The following CABLES2 variants were observed in gnomAD, a reference collection of about 807,000 sequenced individuals.
CABLES2 encodes CDK5 and ABL1 enzyme substrate 2.
CABLES2 carries 35 observed loss-of-function variants against 44.8 expected under a neutral mutation model. The ratio of observed to expected loss-of-function variants is 0.78; its 90% CI spans 0.60 to 1.04. CABLES2 has a LOEUF of 1.04. CABLES2 is among the 50% of genes least tolerant of loss of function. The pLI is 0.00. For missense variants in CABLES2, 566 were observed against 615.7 expected (o/e 0.92, Z 0.85); for synonymous variants, 282 against 281.1 (o/e 1.00, Z -0.03).
At chr20:62,401,084 C>T (rs1044414337) in intron 1 of CABLES2, among the ~76,000 whole-genome samples, 7 of 152,180 alleles carry the variant, frequency 4.6e-5, no homozygotes, top group South Asian at 2.1e-4. Context: ...CGTGGACGGC[C>T]GGGCTCTGGC....
intron 8 of CABLES2, among the ~76,000 whole-genome samples, 168 bp downstream of exon 8, chr20:62,392,221 C>T (rs1283402623): frequency 4.4e-5 from 2 of 45,236 alleles, no homozygotes; most frequent in Non-Finnish European, 8.9e-5. Context: ...GCTTGGCGGG[C>T]GGTGGAGGTG....
Position 62,393,987 on chromosome 20 carries a change from C to T in CABLES2, c.714+170G>A, listed in dbSNP as rs367635469. ...GCCAGGCGGGGGAGTCCGACGGGCT[C>T]CAGGGCCACGTTCTCAGGGCTGCAC... On this transcript the variant is annotated intron_variant, in intron 5 of 9. Coordinates refer to ENST00000279101, the MANE Select transcript of CABLES2 (RefSeq NM_031215.3). 2.9e-4 allele frequency among the ~76,000 whole-genome samples: 44 copies of T among 152,296 alleles called. 1 individual carries two copies. The highest frequency in any genetic ancestry group is 9.4e-4 in the African/African-American group (39 of 41,566).
chr20:62,398,304 TGACGGTG>T (rs1988121428), intron 1 of CABLES2, among the ~76,000 whole-genome samples: 1 of 143,796 alleles, frequency 7.0e-6, no homozygotes, highest in African/African-American at 2.7e-5. Flanking sequence ...GCGATGGTGA[TGACGGTG>T]GTGATGGCAG....
rs764087406 is a variant in CABLES2 at position 62,396,378 on chromosome 20, T to A, written c.464A>T (p.His155Leu). 1 of 1,614,094 alleles carries A rather than the reference T, an allele frequency of 6.2e-7. No homozygotes were observed. The highest frequency in any genetic ancestry group is 8.5e-7 in the Non-Finnish European group (1 of 1,180,004). Residue 155 changes from histidine (H) to leucine (L), a missense_variant, in exon 3 of 10, where the codon CAT becomes CTT. Transcript: ENST00000279101. This position sits in a 1 kb window ranked among gnomAD's most constrained non-coding sequence, Gnocchi z 5.7. ...GAAGTGGGTCTTCTTCAGGCCTTTA[T>A]GTCTCGGTGATCCAGATGTGTGTTT... is the stretch of plus-strand genomic sequence containing the variant. ...RTKHTSGSPR[H>L]KGLKKTHFIK... is the part of the protein sequence containing the mutation.
In CABLES2 at chr20:62,388,771, A is replaced by T. The variant is rs1987847682; in HGVS notation, c.*2200T>A. On this transcript the variant is annotated 3_prime_UTR_variant, in exon 10 of 10. Coordinates refer to ENST00000279101, the MANE Select transcript of CABLES2 (RefSeq NM_031215.3). ...CACAACTGCTACCGGTGCGGAAGCA[A>T]CGCCAGGCCTGGTTCTGTATAGTCA... is the stretch of plus-strand genomic sequence containing the variant. 2 of 463,108 alleles carry T rather than the reference A, an allele frequency of 4.3e-6. No individual in the cohort carries two copies. The highest frequency in any genetic ancestry group is 2.0e-5 in the African/African-American group (1 of 50,988). The allele number at this position is 463,108 out of a possible 1,614,324, so 28.7% of individuals were successfully genotyped here.
rs1987886106 is a variant in CABLES2, at chr20:62,390,158, T to C, written c.*813A>G. On this transcript the variant is annotated 3_prime_UTR_variant, in exon 10 of 10. Coordinates refer to ENST00000279101, the MANE Select transcript of CABLES2 (RefSeq NM_031215.3). ...AAGAGCCGGCAAGCAGCAATTGTCC[T>C]GGAGGCCCAGAGTGTCTCCTGGTGA... is the stretch of plus-strand genomic sequence containing the variant. 1 of 152,542 alleles carries C rather than the reference T, an allele frequency of 6.6e-6. No individual in the cohort carries two copies. Among genetic ancestry groups the C allele is most frequent in the East Asian group, 1.9e-4 (1 of 5,190 alleles). 9.4% of individuals were successfully genotyped at this position (152,542 alleles called of 1,614,324 possible). A position where few individuals can be genotyped will look rare whatever the true frequency, so the allele number is the denominator to read the frequency against.
rs1187873962 is a variant in CABLES2, at chr20:62,396,133, G to A, written c.527+182C>T. Among the ~76,000 whole-genome samples, 1 of 152,166 alleles carries A rather than the reference G, an allele frequency of 6.6e-6. No individual in the cohort carries two copies. The highest frequency in any genetic ancestry group is 1.5e-5 in the Non-Finnish European group (1 of 68,030). On this transcript the variant is annotated intron_variant, in intron 3 of 9. Coordinates refer to ENST00000279101, the MANE Select transcript of CABLES2 (RefSeq NM_031215.3). The surrounding 1 kb of genome is among the most constrained non-coding windows in gnomAD (Gnocchi z 5.7). ...CGCTGTGGTGACACCAGGGACCTGC[G>A]GGTGCTCGGCTGATGTGGAGCAAGC... is the stretch of plus-strand genomic sequence containing the variant.
intron 4 of CABLES2, 76 bp downstream of exon 4, chr20:62,394,861 C>G: frequency 7.1e-7 from 1 of 1,406,688 alleles, no homozygotes; most frequent in Non-Finnish European, 9.8e-7. Context: ...GCTGATGCCT[C>G]CTGGGCCTGG....
chr20:62,394,152 C>T lies in CABLES2; in HGVS notation c.714+5G>A, dbSNP rs1437553433. On this transcript the variant is annotated splice_donor_5th_base_variant and intron_variant, in intron 5 of 9. Transcript: ENST00000279101. ...CTGGGTGTCCACCAGCGAAGAGGCT[C>T]TTACCTTCCCGTCTGCTCCTAGCTC... is the stretch of plus-strand genomic sequence containing the variant. The T allele has an allele frequency of 6.2e-7, 1 of 1,612,500 alleles. No homozygotes were observed. Among genetic ancestry groups the T allele is most frequent in the Non-Finnish European group, 8.5e-7 (1 of 1,179,278 alleles).
At chr20:62,392,084 G>A (rs1462897698) in intron 8 of CABLES2, among the ~76,000 whole-genome samples, 2 of 152,060 alleles carry the variant, frequency 1.3e-5, no homozygotes, top group Admixed American at 1.3e-4. Context: ...ACTGGGAGGG[G>A]CCGGGCACAA....
intron 1 of CABLES2, 103 bp downstream of exon 1, chr20:62,406,812 T>G (rs8119671): frequency 2.4e-5 from 15 of 619,872 alleles, no homozygotes; most frequent in East Asian, 5.7e-5. Flanking sequence ...CCTGGGCTGA[T>G]GAGGCCCCAA....
intron 1 of CABLES2, among the ~76,000 whole-genome samples, chr20:62,399,604 T>G (rs577911192): frequency 6.7e-6 from 1 of 148,306 alleles, no homozygotes; most frequent in East Asian, 2.0e-4. Flanking sequence ...TTTTTTTTTT[T>G]TTTTTTTGAG....
In CABLES2 at chr20:62,407,248, G is replaced by C. The variant is rs1365270055; in HGVS notation, c.29C>G (p.Pro10Arg). 2.6e-4 allele frequency: 194 copies of C among 743,408 alleles called. No homozygotes were observed. The highest frequency in any genetic ancestry group is 2.9e-4 in the Non-Finnish European group (180 of 612,544). The allele number at this position is 743,408 out of a possible 1,614,324, so 46.1% of individuals were successfully genotyped here. A position where few individuals can be genotyped will look rare whatever the true frequency, so the allele number is the denominator to read the frequency against. The change falls in exon 1 of 10, where the codon CCG (proline) becomes CGG (arginine). Residue 10 changes from proline to arginine, a missense_variant. Pro to Arg is a moderately radical substitution (Grantham distance 103). Coordinates refer to ENST00000279101, the MANE Select transcript of CABLES2 (RefSeq NM_031215.3). Reference sequence around the variant, plus strand: ...CCCGGCGGGGCCGGGGGCCGGGCCCGGGGCTCCACCGGCCGCGGCCGCGGC... The same window carrying C: ...CCCGGCGGGGCCGGGGGCCGGGCCCCGGGCTCCACCGGCCGCGGCCGCGGC... MAAAAAGGAPGPAPGPAGPP... is the reference protein window; with the variant it reads MAAAAAGGARGPAPGPAGPP...
In CABLES2 at chr20:62,396,497, C is replaced by T. The variant is rs745439854; in HGVS notation, c.434+24G>A. ...TGGCAGCCCGAGCGGAGTCGTAGAG[C>T]TCGGGGCGGACGGGGGCGTGTACCT... is the stretch of plus-strand genomic sequence containing the variant. On this transcript the variant is annotated intron_variant, in intron 2 of 9. Transcript: ENST00000279101. This position sits in a 1 kb window ranked among gnomAD's most constrained non-coding sequence, Gnocchi z 5.7. 6.2e-7 allele frequency: 1 copy of T among 1,613,692 alleles called. No homozygotes were observed. Among genetic ancestry groups the T allele is most frequent in the South Asian group, 1.1e-5 (1 of 91,070 alleles).
Position 62,395,027 on chromosome 20 carries a change from G to C in CABLES2, c.528-13C>G. The C allele has an allele frequency of 6.2e-7, 1 of 1,609,952 alleles. No homozygotes were observed. Among genetic ancestry groups the C allele is most frequent in the Middle Eastern group, 1.7e-4 (1 of 6,050 alleles). On this transcript the variant is annotated splice_polypyrimidine_tract_variant and intron_variant, in intron 3 of 9. Transcript: ENST00000279101. ...GATGAGCACGATCCTGCAGGGGGAC[G>C]GAGTCAGGGGAGACGGGGCCGGGGA... is the stretch of plus-strand genomic sequence containing the variant.
At position 62,390,990 on chromosome 20, in the gene CABLES2, C is replaced by T. The variant is rs576077601; in HGVS notation, c.1418G>A (p.Arg473His). 31 of 1,614,110 alleles carry T rather than the reference C, an allele frequency of 1.9e-5. No individual in the cohort carries two copies. The highest frequency in any genetic ancestry group is 2.5e-5 in the Non-Finnish European group (30 of 1,180,020). The change falls in exon 10 of 10, where the codon CGC becomes CAC. Residue 473 changes from arginine to histidine, a missense_variant. Physicochemically the swap from Arg to His is conservative, Grantham distance 29. This residue lies in a region of CABLES2 where 436 missense variants were observed against 536.3 expected (regional missense o/e 0.81). Transcript: ENST00000279101. ...PENQVLPHYR[R>H]LTQQF ...CCTCTGCTAGAACTGCTGGGTGAGG[C>T]GCCTGTAATGAGGTAACACTTGGTT...
At chr20:62,393,946 G>A (rs993374203) in intron 5 of CABLES2, among the ~76,000 whole-genome samples, 3 of 152,210 alleles carry the variant, frequency 2.0e-5, no homozygotes, top group Non-Finnish European at 2.9e-5. Flanking sequence ...GGGCAGTGGC[G>A]CAGACCTCAG....
intron 1 of CABLES2, among the ~76,000 whole-genome samples, chr20:62,397,878 T>G (rs115857708): frequency 3.9e-4 from 50 of 129,672 alleles, no homozygotes; most frequent in African/African-American, 1.3e-3. Context: ...AAGGGAGCAG[T>G]TGGTGGTGGT....
chr20:62,401,913 C>T (rs1395309390), intron 1 of CABLES2, among the ~76,000 whole-genome samples: 7 of 152,354 alleles, frequency 4.6e-5, no homozygotes, highest in Non-Finnish European at 7.3e-5. Flanking sequence ...AAGGAACAAG[C>T]GAGCAAAGCA....
Sources: gnomAD v4.1 joint callset for allele counts (sites outside exome capture counted in the v4.1 genomes callset) on GRCh38, gnomAD v4.1.1 for gene constraint, gnomAD v4.1.1 regional missense constraint, Gnocchi (gnomAD v3.1) non-coding constraint, MANE v1.5 for transcripts, NCBI Gene and HGNC (gene_info 2026-07-23, HGNC 2026-07-21) for gene names.